ASIC2: variants seen among roughly 807,000 people sequenced by gnomAD.
ASIC2 encodes the protein acid sensing ion channel subunit 2.
ASIC2 carries 25 observed loss-of-function variants against 57.3 expected under a neutral mutation model. The ratio of observed to expected loss-of-function variants is 0.44; its 90% confidence interval spans 0.32 to 0.61. The LOEUF (loss-of-function observed/expected upper bound fraction) is 0.61. ASIC2 is among the 20% of genes least tolerant of loss of function. The pLI, the probability that ASIC2 is intolerant of heterozygous loss-of-function variation, is 0.06. For synonymous variants in ASIC2, 319 were observed against 307.5 expected, an observed-to-expected ratio of 1.04 and a Z score of -0.39; for missense variants, 641 against 738.1, an observed-to-expected ratio of 0.87 and a Z score of 1.52.
intron 1 of ASIC2, among the ~76,000 whole-genome samples, chr17:33,882,834 C>T (rs935774890): frequency 1.3e-5 from 2 of 152,114 alleles, no homozygotes; most frequent in African/African-American, 4.8e-5. Context: ...GTACTATTCA[C>T]AATAGCAAAG....
chr17:33,237,964 T>A (rs1908359341), intron 1 of ASIC2, among the ~76,000 whole-genome samples: 1 of 152,186 alleles, frequency 6.6e-6, no homozygotes, highest in East Asian at 1.9e-4. Context: ...ACTATCTCAC[T>A]AAATCCTTCC....
intron 1 of ASIC2, among the ~76,000 whole-genome samples, chr17:33,710,138 T>G (rs865891704): frequency 6.6e-6 from 1 of 152,204 alleles, no homozygotes; most frequent in Non-Finnish European, 1.5e-5. Flanking sequence ...TGCACCAATG[T>G]CCATCCCTCT....
intron 1 of ASIC2, among the ~76,000 whole-genome samples, chr17:33,317,702 A>G (rs1327449385): frequency 2.0e-5 from 3 of 152,208 alleles, no homozygotes; most frequent in African/African-American, 4.8e-5. Context: ...GTAGGGAGAT[A>G]AAACACATTC....
chr17:33,668,533 T>G (rs1907553970), intron 1 of ASIC2, among the ~76,000 whole-genome samples: 1 of 152,074 alleles, frequency 6.6e-6, no homozygotes, highest in Non-Finnish European at 1.5e-5. Context: ...GTTCCCCAAT[T>G]TTAAGAACTT....
At chr17:33,997,246 A>G (rs942654364) in intron 1 of ASIC2, among the ~76,000 whole-genome samples, 1 of 150,314 alleles carries the variant, frequency 6.7e-6, no homozygotes, top group African/African-American at 2.5e-5. Context: ...GGCTCAAGCT[A>G]TCCTCCCACC....
chr17:33,828,090 T>C (rs1020812326), intron 1 of ASIC2: 2 of 152,228 alleles, frequency 1.3e-5, no homozygotes, highest in Non-Finnish European at 2.9e-5. Context: ...TTCCATGGTG[T>C]ATATGTGCCA....
intron 1 of ASIC2, chr17:33,291,148 T>G: frequency 3.1e-6 from 2 of 644,382 alleles, no homozygotes; most frequent in Non-Finnish European, 2.4e-6. Context: ...AATGAGGGCT[T>G]TGGGGGCTGA....
chr17:33,918,722 C>A (rs547344877), intron 1 of ASIC2, among the ~76,000 whole-genome samples: 1 of 152,270 alleles, frequency 6.6e-6, no homozygotes, highest in African/African-American at 2.4e-5. Flanking sequence ...GTTAAGGAAA[C>A]AGGATTCTAG....
At chr17:33,659,939 C>G (rs1292203584) in intron 1 of ASIC2, among the ~76,000 whole-genome samples, 1 of 151,278 alleles carries the variant, frequency 6.6e-6, no homozygotes, top group East Asian at 1.9e-4. Context: ...AAATAAATAG[C>G]TGGGCGTGTT....
At chr17:33,466,657 A>T (rs1336930539) in intron 1 of ASIC2, among the ~76,000 whole-genome samples, 1 of 152,146 alleles carries the variant, frequency 6.6e-6, no homozygotes, top group African/African-American at 2.4e-5. Flanking sequence ...GATATAGACC[A>T]ATGGAACAAA....
chr17:33,301,319 G>A (rs1294410173), intron 1 of ASIC2, among the ~76,000 whole-genome samples: 2 of 152,074 alleles, frequency 1.3e-5, no homozygotes, highest in Non-Finnish European at 2.9e-5. Flanking sequence ...AGGATTGCAG[G>A]TGTGAGCCAC....
chr17:33,815,613 G>A (rs1912555856), intron 1 of ASIC2, among the ~76,000 whole-genome samples: 1 of 152,162 alleles, frequency 6.6e-6, no homozygotes, highest in Non-Finnish European at 1.5e-5. Flanking sequence ...TGGTGGTACT[G>A]TTCTGCTCAC....
chr17:33,953,308 AC>A (rs1293705677), intron 1 of ASIC2, among the ~76,000 whole-genome samples: 1 of 152,204 alleles, frequency 6.6e-6, no homozygotes, highest in Non-Finnish European at 1.5e-5. Flanking sequence ...CCAATTTATA[AC>A]TTTTACATCC....
intron 1 of ASIC2, among the ~76,000 whole-genome samples, chr17:33,884,856 C>T (rs547087907): frequency 1.5e-4 from 23 of 152,290 alleles, no homozygotes; most frequent in African/African-American, 5.5e-4. Flanking sequence ...TCTCCCAGGG[C>T]CTTTGCCTGC....
intron 1 of ASIC2, among the ~76,000 whole-genome samples, chr17:33,844,568 G>T (rs940829512): frequency 2.0e-5 from 3 of 152,204 alleles, no homozygotes; most frequent in African/African-American, 7.2e-5. Flanking sequence ...TATTGGATAG[G>T]TCAGGTGAGC....
chr17:33,861,018 A>C (rs1431704715), intron 1 of ASIC2, among the ~76,000 whole-genome samples: 1 of 152,248 alleles, frequency 6.6e-6, no homozygotes, highest in Non-Finnish European at 1.5e-5. Flanking sequence ...AATTCAGTAC[A>C]TATCTGTCAA....
At chr17:33,317,098 A>T (rs186136754) in intron 1 of ASIC2, among the ~76,000 whole-genome samples, 29 of 152,354 alleles carry the variant, frequency 1.9e-4, no homozygotes, top group African/African-American at 7.0e-4. Context: ...TAACCATGCC[A>T]CTTGCCTTAA....
At chr17:34,118,233 A>G (rs1188065980) in intron 1 of ASIC2, 3 of 152,248 alleles carry the variant, frequency 2.0e-5, no homozygotes, top group Non-Finnish European at 4.4e-5. Context: ...TACTAATAGT[A>G]TACACCTCAC....
At chr17:33,965,459 A>G (rs1170321393) in intron 1 of ASIC2, among the ~76,000 whole-genome samples, 4 of 152,224 alleles carry the variant, frequency 2.6e-5, no homozygotes, top group Admixed American at 2.0e-4. Flanking sequence ...AAAGCCAAGC[A>G]TGAAAGGATG....
Sources: gnomAD v4.1 joint callset for allele counts (sites outside exome capture counted in the v4.1 genomes callset) on GRCh38, gnomAD v4.1.1 for gene constraint, MANE v1.5 for transcripts, NCBI Gene and HGNC (gene_info 2026-07-23, HGNC 2026-07-21) for gene names.